ZNF44: variants seen among roughly 807,000 people sequenced by gnomAD.
ZNF44 encodes the protein gonadotropin inducible transcription repressor-2.
ZNF44 carries 9 observed loss-of-function variants against 11.7 expected under a neutral mutation model. The observed-to-expected ratio is 0.77, with a 90% CI of 0.46 to 1.35. The LOEUF is 1.35. Ranked by LOEUF, ZNF44 falls within the 40% of genes most tolerant of loss-of-function variation. The probability of loss-of-function intolerance (pLI) is 0.00; values close to 1 mark genes in which losing one functional copy is unlikely to be tolerated. For synonymous variants in ZNF44, 224 were observed against 242.7 expected, an observed-to-expected ratio of 0.92 and a Z score of 0.72; for missense variants, 696 against 743.1, an observed-to-expected ratio of 0.94 and a Z score of 0.74.
chr19:12,287,268 C>T (rs572040333), intron 1 of ZNF44, among the ~76,000 whole-genome samples: 2 of 151,882 alleles, frequency 1.3e-5, no homozygotes, highest in African/African-American at 4.8e-5. Context: ...TTCCTTGAGA[C>T]GGAATCTCGC....
intron 5 of ZNF44, among the ~76,000 whole-genome samples, chr19:12,252,016 A>T (rs1271318418): frequency 6.6e-6 from 1 of 150,650 alleles, no homozygotes; most frequent in Non-Finnish European, 1.5e-5. Flanking sequence ...GCACCATTGC[A>T]CTCCAGCCTG....
chr19:12,246,597 TTAAC>T (rs1253948752), downstream of ZNF44, among the ~76,000 whole-genome samples: 2 of 152,326 alleles, frequency 1.3e-5, no homozygotes, highest in East Asian at 3.9e-4. Context: ...AAAAATTTTA[TTAAC>T]TGACTTAAGG....
upstream of ZNF44, among the ~76,000 whole-genome samples, chr19:12,242,274 G>A (rs189080037): frequency 2.8e-3 from 424 of 151,336 alleles, 3 homozygotes; most frequent in African/African-American, 9.1e-3. Flanking sequence ...TTGGGAGGCC[G>A]AGGTGGGCAG....
Position 12,273,781 on chromosome 19 carries a change from T to TGGAAAGAAA in ZNF44, c.473_474insTTTCTTTCC (p.Thr158_Cys159insPhePhePro). The stretch of plus-strand genomic sequence containing the variant: ...TCTTTCCAGTGTGAGGCCTTTCACA[T>TGGAAAGAAA]GTTTGAAAGGAGTGGCGATAACTTA... On this transcript the variant is annotated inframe_insertion, in exon 4 of 4. Coordinates refer to ENST00000355684, the MANE Select transcript of ZNF44 (RefSeq NM_016264.4). 1 of 1,614,192 alleles carries TGGAAAGAAA rather than the reference T, an allele frequency of 6.2e-7. No individual in the cohort carries two copies. Among genetic ancestry groups the TGGAAAGAAA allele is most frequent in the South Asian group, 1.1e-5 (1 of 91,086 alleles).
rs1026107778 is a variant in ZNF44 at position 12,272,238 on chromosome 19, C to A, written c.*169G>T. 1.0e-5 allele frequency: 12 copies of A among 1,157,960 alleles called. No individual in the cohort carries two copies. The highest frequency in any genetic ancestry group is 6.5e-4 in the Middle Eastern group (2 of 3,090). 71.7% of individuals were successfully genotyped at this position (1,157,960 alleles called of 1,614,324 possible). A position where few individuals can be genotyped will look rare whatever the true frequency, so the allele number is the denominator to read the frequency against. Reference sequence around the variant, plus strand: ...CAGGCTGGTCTCGATCTCCTGGCCTCGTGATCTGCCCTCCTCGGCCTCTCA... The same window carrying A: ...CAGGCTGGTCTCGATCTCCTGGCCTAGTGATCTGCCCTCCTCGGCCTCTCA... On this transcript the variant is annotated 3_prime_UTR_variant, in exon 4 of 4. Coordinates refer to ENST00000355684, the MANE Select transcript of ZNF44 (RefSeq NM_016264.4).
At chr19:12,260,670 CAGGACCACTTTAAGGA>C in intron 5 of ZNF44, 1 of 591,398 alleles carries the variant, frequency 1.7e-6, no homozygotes, top group East Asian at 2.9e-5. Flanking sequence ...GATGTAAACC[CAGGACCACTTTAAGGA>C]AGGCCCTACT....
intron 3 of ZNF44, 90 bp downstream of exon 3, chr19:12,274,883 T>C: frequency 1.1e-6 from 1 of 895,266 alleles, no homozygotes; most frequent in Non-Finnish European, 1.7e-6. Context: ...TAAGCTGGGC[T>C]TGTTCATAAT....
chr19:12,246,166 C>CA (rs1267789689), downstream of ZNF44, among the ~76,000 whole-genome samples: 1 of 152,124 alleles, frequency 6.6e-6, no homozygotes, highest in African/African-American at 2.4e-5. Flanking sequence ...GCATGGAATC[C>CA]AAAAGGGAAT....
chr19:12,248,262 C>T, exon 8 of ZNF44: 1 of 1,297,686 alleles, frequency 7.7e-7, no homozygotes, highest in Non-Finnish European at 1.0e-6. Context: ...GAATGCTTTT[C>T]CACATTCTTT....
intron 5 of ZNF44, among the ~76,000 whole-genome samples, chr19:12,263,783 G>A (rs1222551240): frequency 2.0e-5 from 3 of 152,022 alleles, no homozygotes; most frequent in African/African-American, 7.2e-5. Flanking sequence ...AAATTAGCTG[G>A]ACATGGTGGC....
intron 5 of ZNF44, among the ~76,000 whole-genome samples, chr19:12,265,848 T>G (rs772421033): frequency 1.3e-5 from 2 of 152,242 alleles, no homozygotes; most frequent in Non-Finnish European, 2.9e-5. Context: ...GAGAGGGTCT[T>G]AGAAACTGCG....
At chr19:12,240,018 CAAATT>C (rs1349059025), upstream of ZNF44, among the ~76,000 whole-genome samples, 1 of 152,118 alleles carries the variant, frequency 6.6e-6, no homozygotes, top group Non-Finnish European at 1.5e-5. Flanking sequence ...ATTGCTGAAA[CAAATT>C]AAAGAACAGA....
At position 12,234,881 on chromosome 19, in the gene ZNF44, G is replaced by A. The variant is rs117745256; in HGVS notation, n.166C>T. 8.7e-4 allele frequency: 133 copies of A among 152,392 alleles called. 4 individuals are homozygous for A. In the East Asian group the frequency reaches 0.023, roughly 26 times the overall value. The allele number at this position is 152,392 out of a possible 1,614,324, so 9.4% of individuals were successfully genotyped here. On this transcript the variant is annotated non_coding_transcript_exon_variant, in exon 2 of 4. Transcript: ENST00000597563. The stretch of plus-strand genomic sequence containing the variant: ...AATTCATGAGAGTTCACACTGAAGC[G>A]GTGTCATTGTCTCGGAGCCATGGAA...
chr19:12,283,723 C>T (rs1967591347), intron 1 of ZNF44, among the ~76,000 whole-genome samples: 1 of 152,190 alleles, frequency 6.6e-6, no homozygotes, highest in Non-Finnish European at 1.5e-5. Flanking sequence ...ACTCTAATTA[C>T]ATTAAGAAGA....
chr19:12,257,798 CAA>C (rs1221289652), intron 5 of ZNF44, among the ~76,000 whole-genome samples: 11 of 53,662 alleles, frequency 2.0e-4, no homozygotes, highest in Non-Finnish European at 1.9e-4. Flanking sequence ...AACTCTGTCT[CAA>C]AAAAAAAAAA....
intron 5 of ZNF44, among the ~76,000 whole-genome samples, chr19:12,256,540 C>G (rs1052746770): frequency 1.3e-5 from 2 of 152,090 alleles, no homozygotes; most frequent in Non-Finnish European, 2.9e-5. Flanking sequence ...ATGCGGTCCT[C>G]TGCTTACCAC....
intron 1 of ZNF44, among the ~76,000 whole-genome samples, chr19:12,287,212 C>T (rs1317014835): frequency 6.6e-6 from 1 of 151,938 alleles, no homozygotes; most frequent in African/African-American, 2.4e-5. Context: ...CTCCCTCATC[C>T]CCATGAGTCT....
chr19:12,250,360 C>A, exon 6 of ZNF44: 1 of 1,362,132 alleles, frequency 7.3e-7, no homozygotes, highest in Non-Finnish European at 9.8e-7. Flanking sequence ...CTTCAAAGGT[C>A]ACTGAGTCCT....
chr19:12,259,620 G>A (rs1221775503), intron 5 of ZNF44, among the ~76,000 whole-genome samples: 1 of 151,988 alleles, frequency 6.6e-6, no homozygotes, highest in Non-Finnish European at 1.5e-5. Context: ...TCTCTAACCT[G>A]GTACTAATAT....
Sources: gnomAD v4.1 joint callset for allele counts (sites outside exome capture counted in the v4.1 genomes callset) on GRCh38, gnomAD v4.1.1 for gene constraint, MANE v1.5 for transcripts, NCBI Gene and HGNC (gene_info 2026-07-23, HGNC 2026-07-21) for gene names.